SLC2A7: variants seen among roughly 807,000 people sequenced by gnomAD.
The protein encoded by SLC2A7 is solute carrier family 2 member 7.
SLC2A7 carries 50 observed loss-of-function variants against 50.5 expected under a neutral mutation model. The observed-to-expected ratio is 0.99, with a 90% CI of 0.79 to 1.25. SLC2A7 has a LOEUF of 1.25. Ranked by LOEUF, SLC2A7 falls within the 50% of genes most tolerant of loss-of-function variation. SLC2A7 has a pLI of 0.00. For missense variants in SLC2A7, 683 were observed against 679.1 expected, an observed-to-expected ratio of 1.01 and a Z score of -0.06; for synonymous variants, 308 against 300.4, an observed-to-expected ratio of 1.03 and a Z score of -0.26.
intron 9 of SLC2A7, among the ~76,000 whole-genome samples, chr1:9,007,854 C>A (rs191569637): frequency 6.6e-6 from 1 of 151,982 alleles, no homozygotes; most frequent in Non-Finnish European, 1.5e-5. Context: ...CCCCTGCCTC[C>A]GCCTCCTGTA....
chr1:9,004,518 G>T, intron 11 of SLC2A7, among the ~76,000 whole-genome samples: 1 of 151,358 alleles, frequency 6.6e-6, no homozygotes, highest in Non-Finnish European at 1.5e-5. Context: ...GCGGACCAGA[G>T]CCCCTAAGCA....
intron 9 of SLC2A7, among the ~76,000 whole-genome samples, chr1:9,007,950 T>C (rs1234339705): frequency 2.0e-5 from 3 of 151,996 alleles, no homozygotes; most frequent in Non-Finnish European, 4.4e-5. Context: ...CAGAGGGCCC[T>C]GAATACAGAC....
At chr1:9,021,035 G>A (rs1048128709) in intron 3 of SLC2A7, among the ~76,000 whole-genome samples, 11 of 152,248 alleles carry the variant, frequency 7.2e-5, no homozygotes, top group Middle Eastern at 3.4e-3. Flanking sequence ...TCTTTCTTTT[G>A]TAAATTGCCT....
chr1:8,995,637 C>T, the SLC2A7 span, among the ~76,000 whole-genome samples: 31 of 149,936 alleles, frequency 2.1e-4, no homozygotes, highest in South Asian at 6.6e-3. Context: ...CCCAGCTACT[C>T]GGGAGGCTGA....
chr1:8,999,415 A>T (rs944632820), downstream of SLC2A7, among the ~76,000 whole-genome samples: 2 of 152,092 alleles, frequency 1.3e-5, no homozygotes, highest in African/African-American at 4.8e-5. Flanking sequence ...CCCCCTTACT[A>T]TCCTGTCCCC....
At chr1:9,022,114 G>A (rs707469) in intron 3 of SLC2A7, among the ~76,000 whole-genome samples, 115,999 of 152,226 alleles carry the variant, frequency 0.76, 44,446 homozygotes, top group East Asian at 0.95. Flanking sequence ...TTCAATCAGC[G>A]CTATTTTTTT....
intron 3 of SLC2A7, 135 bp downstream of exon 3, chr1:9,022,783 T>G: frequency 1.7e-6 from 2 of 1,183,440 alleles, no homozygotes; most frequent in Non-Finnish European, 2.4e-6. Flanking sequence ...ATGATGACTG[T>G]GGCCAAGCGG....
Position 9,003,605 on chromosome 1 carries a change from C to A in SLC2A7, c.1321-87G>T, listed in dbSNP as rs1190496346. The A allele has an allele frequency of 2.4e-6, 3 of 1,244,494 alleles. No homozygotes were observed. The East Asian group carries it at 7.3e-5, about 30-fold the overall frequency. 77.1% of individuals were successfully genotyped at this position (1,244,494 alleles called of 1,614,324 possible). A position where few individuals can be genotyped will look rare whatever the true frequency, so the allele number is the denominator to read the frequency against. ...GAGCACGTTGGCTCATGCCTGTAAT[C>A]CCAGCACTTTGGGAGGCCAAGACAG... On this transcript the variant is annotated intron_variant, in intron 11 of 11. Coordinates refer to ENST00000400906, the MANE Select transcript of SLC2A7 (RefSeq NM_207420.3).
rs1208951182 is a variant in SLC2A7, at chr1:9,002,973, T to C, written c.*327A>G. On this transcript the variant is annotated 3_prime_UTR_variant, in exon 12 of 12. Coordinates refer to ENST00000400906, the MANE Select transcript of SLC2A7 (RefSeq NM_207420.3). Reference sequence around the variant, plus strand: ...ACGGCAGCTCGGGTATCCATAGCAATTGTGGAACTTGAAAAGTTTTACTTT... The same window carrying C: ...ACGGCAGCTCGGGTATCCATAGCAACTGTGGAACTTGAAAAGTTTTACTTT... 6.6e-6 allele frequency among the ~76,000 whole-genome samples: 1 copy of C among 152,198 alleles called. No homozygotes were observed. Among genetic ancestry groups the C allele is most frequent in the Non-Finnish European group, 1.5e-5 (1 of 68,032 alleles).
intron 8 of SLC2A7, among the ~76,000 whole-genome samples, chr1:9,013,134 C>T (rs932465413): frequency 3.3e-5 from 5 of 152,112 alleles, no homozygotes; most frequent in South Asian, 2.1e-4. Flanking sequence ...TCAAGTCATC[C>T]ACCTGCCTCA....
downstream of SLC2A7, among the ~76,000 whole-genome samples, chr1:9,000,081 C>A (rs1024932241): frequency 6.6e-6 from 1 of 152,118 alleles, no homozygotes; most frequent in Non-Finnish European, 1.5e-5. Flanking sequence ...AACTTAAGGA[C>A]CGAATTGGTG....
intron 8 of SLC2A7, among the ~76,000 whole-genome samples, chr1:9,011,553 C>G (rs1192099501): frequency 1.3e-5 from 2 of 151,860 alleles, no homozygotes; most frequent in Non-Finnish European, 2.9e-5. Flanking sequence ...TTCTCTGGGG[C>G]TCCACTCGAC....
At chr1:9,013,139 G>T (rs1008248381) in intron 8 of SLC2A7, among the ~76,000 whole-genome samples, 3 of 152,092 alleles carry the variant, frequency 2.0e-5, no homozygotes, top group Non-Finnish European at 4.4e-5. Context: ...TCATCCACCT[G>T]CCTCAGTCTC....
chr1:9,009,718 A>C (rs912425422), intron 9 of SLC2A7, among the ~76,000 whole-genome samples: 29 of 152,190 alleles, frequency 1.9e-4, no homozygotes, highest in African/African-American at 5.1e-4. Flanking sequence ...TTGGCCTCCC[A>C]AAGTGCTAGG....
the SLC2A7 span, among the ~76,000 whole-genome samples, chr1:8,997,794 G>A: frequency 1.3e-5 from 2 of 152,148 alleles, no homozygotes; most frequent in South Asian, 4.1e-4. Context: ...CTTGTCTGTG[G>A]CTTGTCTTTT....
downstream of SLC2A7, among the ~76,000 whole-genome samples, chr1:8,999,485 C>G (rs2124227661): frequency 6.6e-6 from 1 of 152,308 alleles, no homozygotes; most frequent in African/African-American, 2.4e-5. Context: ...ACCTATTTCT[C>G]CACTCACACC....
rs773549577 is a variant in SLC2A7 at position 9,015,253 on chromosome 1, C to T, written c.590-11G>A. On this transcript the variant is annotated splice_polypyrimidine_tract_variant and intron_variant, in intron 5 of 11. Coordinates refer to ENST00000400906, the MANE Select transcript of SLC2A7 (RefSeq NM_207420.3). The stretch of plus-strand genomic sequence containing the variant: ...GAAGCACCGGCCAGCCTGCAAGGAG[C>T]CAAGGACTCAGGATCCCGGGGCCTG... 9 of 1,579,838 alleles carry T rather than the reference C, an allele frequency of 5.7e-6. No individual in the cohort carries two copies. The South Asian group carries it at 1.0e-4, about 18-fold the overall frequency.
chr1:9,007,214 C>T, intron 10 of SLC2A7, 96 bp downstream of exon 10: 2 of 1,386,796 alleles, frequency 1.4e-6, no homozygotes, highest in Non-Finnish European at 1.0e-6. Context: ...CCAAGGACGT[C>T]CATTCACTCA....
At chr1:9,014,657 C>G in intron 7 of SLC2A7, 24 bp downstream of exon 7, 1 of 1,550,690 alleles carries the variant, frequency 6.4e-7, no homozygotes. Context: ...ATCTGTCTCC[C>G]TGCCTGGCCA....
Sources: gnomAD v4.1 joint callset for allele counts (sites outside exome capture counted in the v4.1 genomes callset) on GRCh38, gnomAD v4.1.1 for gene constraint, MANE v1.5 for transcripts, NCBI Gene and HGNC (gene_info 2026-07-23, HGNC 2026-07-21) for gene names.